Variants in TOPAZ1 observed in about 807,000 individuals in gnomAD.
The protein encoded by TOPAZ1 is protein TOPAZ1.
TOPAZ1 carries 66 observed loss-of-function variants against 172.2 expected under a neutral mutation model. The observed-to-expected ratio is 0.38, with a 90% CI of 0.31 to 0.47. The LOEUF is 0.47. Ranked by LOEUF, TOPAZ1 falls within the 20% of genes least tolerant of loss-of-function variation. The pLI, the probability that TOPAZ1 is intolerant of heterozygous loss-of-function variation, is 0.99. For missense variants in TOPAZ1, 1,822 were observed against 1,972.4 expected (o/e 0.92, Z 1.44); for synonymous variants, 681 against 683.9 (o/e 1.00, Z 0.07).
Position 44,322,838 on chromosome 3 carries a change from A to G in TOPAZ1, c.4472-254A>G, listed in dbSNP as rs577408548. 5.3e-5 allele frequency among the ~76,000 whole-genome samples: 8 copies of G among 152,298 alleles called. No homozygotes were observed. The South Asian group carries it at 1.7e-3, about 32-fold the overall frequency. On this transcript the variant is annotated intron_variant, in intron 17 of 19. Coordinates refer to ENST00000309765, the MANE Select transcript of TOPAZ1 (RefSeq NM_001145030.2). ...GAGGCTGAGGCGAGAGGATGACTTG[A>G]GCCCAGGAGGTGAAGGTTGCAGTGA...
intron 11 of TOPAZ1, 79 bp downstream of exon 11, chr3:44,287,918 A>C (rs979795031): frequency 1.5e-6 from 1 of 682,854 alleles, no homozygotes; most frequent in African/African-American, 1.9e-5. Flanking sequence ...GGTACCCTTG[A>C]GCTGCCTTTT....
At chr3:44,325,110 A>G (rs1352937013) in intron 18 of TOPAZ1, among the ~76,000 whole-genome samples, 1 of 152,198 alleles carries the variant, frequency 6.6e-6, no homozygotes, top group African/African-American at 2.4e-5. Flanking sequence ...TCAGTCTTCA[A>G]AACATCTCAT....
At chr3:44,296,505 A>C (rs561674346) in intron 12 of TOPAZ1, among the ~76,000 whole-genome samples, 17 of 152,176 alleles carry the variant, frequency 1.1e-4, no homozygotes, top group African/African-American at 3.4e-4. Context: ...GCAGCCATTA[A>C]AGCGATCATA....
chr3:44,281,473 G>T (rs1700023159), intron 8 of TOPAZ1, among the ~76,000 whole-genome samples: 1 of 152,120 alleles, frequency 6.6e-6, no homozygotes, highest in East Asian at 1.9e-4. Flanking sequence ...TCTTTGCCAA[G>T]ATCATGAAAA....
intron 5 of TOPAZ1, among the ~76,000 whole-genome samples, chr3:44,264,192 C>G (rs1321771263): frequency 1.3e-5 from 2 of 152,194 alleles, no homozygotes; most frequent in Non-Finnish European, 2.9e-5. Flanking sequence ...ACTCCAACCA[C>G]TTAAGAAGTG....
At chr3:44,321,619 A>G (rs1700506678) in intron 17 of TOPAZ1, among the ~76,000 whole-genome samples, 1 of 152,240 alleles carries the variant, frequency 6.6e-6, no homozygotes, top group Non-Finnish European at 1.5e-5. Context: ...GGGAAATGGT[A>G]GTCAGTACTC....
At chr3:44,290,729 C>A in intron 11 of TOPAZ1, 42 bp from the exon 12 acceptor site, 1 of 1,313,958 alleles carries the variant, frequency 7.6e-7, no homozygotes, top group Non-Finnish European at 1.1e-6. Context: ...AATTCTGTCA[C>A]ATTTTTGTAA....
At chr3:44,305,895 A>G (rs1237524434) in intron 14 of TOPAZ1, among the ~76,000 whole-genome samples, 2 of 152,116 alleles carry the variant, frequency 1.3e-5, no homozygotes, top group East Asian at 3.8e-4. Flanking sequence ...CTTTTCACTC[A>G]GATTGGTAAA....
intron 2 of TOPAZ1, among the ~76,000 whole-genome samples, chr3:44,246,508 A>G (rs1473285815): frequency 6.6e-6 from 1 of 152,224 alleles, no homozygotes; most frequent in Non-Finnish European, 1.5e-5. Context: ...ATCACCAAAT[A>G]TAATGCTGTC....
chr3:44,311,657 A>G (rs1575731998), intron 16 of TOPAZ1, among the ~76,000 whole-genome samples: 1 of 152,184 alleles, frequency 6.6e-6, no homozygotes, highest in Non-Finnish European at 1.5e-5. Flanking sequence ...GTAAAATTTT[A>G]TCTCTACAAA....
At chr3:44,321,688 T>G (rs2125705039) in intron 17 of TOPAZ1, among the ~76,000 whole-genome samples, 1 of 152,278 alleles carries the variant, frequency 6.6e-6, no homozygotes. Context: ...ATGTGATAGG[T>G]TCAGAGGATG....
chr3:44,257,505 TGTGTGA>T (rs1699728676), intron 4 of TOPAZ1, among the ~76,000 whole-genome samples: 1 of 125,448 alleles, frequency 8.0e-6, no homozygotes, highest in African/African-American at 2.8e-5. Context: ...TGTGTGTGTG[TGTGTGA>T]ATGATTCTTT....
intron 8 of TOPAZ1, among the ~76,000 whole-genome samples, chr3:44,278,316 G>C (rs145855172): frequency 1.1e-3 from 165 of 152,230 alleles, no homozygotes; most frequent in African/African-American, 3.8e-3. Context: ...GAGTTTATCA[G>C]GGGTATTGAC....
chr3:44,244,281 A>G lies in TOPAZ1; in HGVS notation c.1775A>G (p.Asp592Gly), dbSNP rs1699530624. Residue 592 changes from aspartate (D) to glycine (G), a missense_variant, in exon 2 of 20, where the codon GAT (aspartate) becomes GGT (glycine). Physicochemically the swap from Asp to Gly is moderately conservative, Grantham distance 94 (BLOSUM62 -1). Around this residue, in one of 2 missense-constraint regions of TOPAZ1, gnomAD observed 1,489 missense variants for 1,490.8 expected, o/e 1.00. Transcript: ENST00000309765. Reference sequence around the variant, plus strand: ...GTTATAAAGGAACCTATAATCAAGGATGATAAAAAGATAAAATCAGAGGAA... The same window carrying G: ...GTTATAAAGGAACCTATAATCAAGGGTGATAAAAAGATAAAATCAGAGGAA... ...LMVIKEPIIKDDKKIKSEELS... is the reference protein window; with the variant it reads ...LMVIKEPIIKGDKKIKSEELS... 1 of 1,550,430 alleles carries G rather than the reference A, an allele frequency of 6.4e-7. No homozygotes were observed. Among genetic ancestry groups the G allele is most frequent in the African/African-American group, 1.4e-5 (1 of 72,974 alleles).
chr3:44,300,092 T>TTA (rs1255679090), intron 12 of TOPAZ1, among the ~76,000 whole-genome samples: 2 of 149,760 alleles, frequency 1.3e-5, no homozygotes, highest in Non-Finnish European at 3.0e-5. Context: ...CCCTAAAACT[T>TTA]AAAGTATAAT....
At chr3:44,261,546 T>G (rs1001402664) in intron 4 of TOPAZ1, among the ~76,000 whole-genome samples, 2 of 152,206 alleles carry the variant, frequency 1.3e-5, no homozygotes, top group African/African-American at 4.8e-5. Flanking sequence ...CCATGCAGTT[T>G]TGGTTACTAT....
At chr3:44,295,201 C>T (rs964773838) in intron 12 of TOPAZ1, among the ~76,000 whole-genome samples, 1 of 152,108 alleles carries the variant, frequency 6.6e-6, no homozygotes, top group Admixed American at 6.6e-5. Context: ...AATCCCAATT[C>T]TACAAATGTA....
intron 17 of TOPAZ1, among the ~76,000 whole-genome samples, chr3:44,321,783 G>A (rs1433202727): frequency 6.6e-6 from 1 of 152,176 alleles, no homozygotes; most frequent in Non-Finnish European, 1.5e-5. Context: ...ATTCCACTGT[G>A]CTCCTGTATT....
rs1399697655 is a variant in TOPAZ1, at chr3:44,244,602, G to T, written c.2096G>T (p.Arg699Ile). 4 of 1,550,426 alleles carry T rather than the reference G, an allele frequency of 2.6e-6. No individual in the cohort carries two copies. Among genetic ancestry groups the T allele is most frequent in the Non-Finnish European group, 3.5e-6 (4 of 1,146,734 alleles). ...TTACTTAAGAATAAATCAGAAAAAA[G>T]AAAAGAAGTAAATGCCAAGTCATCA... ...IPLLKNKSEK[R>I]KEVNAKSSER... is the part of the protein sequence containing the mutation. The change falls in exon 2 of 20, where the codon AGA becomes ATA. Residue 699 changes from arginine (R) to isoleucine (I), a missense_variant. Arg to Ile is a moderately conservative substitution (Grantham distance 97). Coordinates refer to ENST00000309765, the MANE Select transcript of TOPAZ1 (RefSeq NM_001145030.2).
Sources: gnomAD v4.1 joint callset for allele counts (sites outside exome capture counted in the v4.1 genomes callset) on GRCh38, gnomAD v4.1.1 for gene constraint, gnomAD v4.1.1 regional missense constraint, MANE v1.5 for transcripts, NCBI Gene and HGNC (gene_info 2026-07-23, HGNC 2026-07-21) for gene names.